Variants in TYW1 observed in about 807,000 individuals in gnomAD.
The protein encoded by TYW1 is S-adenosyl-L-methionine-dependent tRNA 4-demethylwyosine synthase TYW1.
TYW1 carries 46 observed loss-of-function variants against 96.2 expected under a neutral mutation model. The ratio of observed to expected loss-of-function variants is 0.48; its 90% CI spans 0.38 to 0.61. TYW1 has a LOEUF of 0.61. Among genes scored for constraint, TYW1 ranks in the 20% least tolerant of loss-of-function variants. The probability of loss-of-function intolerance (pLI) is 0.00; values close to 1 mark genes in which losing one functional copy is unlikely to be tolerated. For missense variants in TYW1, 684 were observed against 909.6 expected (o/e 0.75, Z 3.19); for synonymous variants, 274 against 323.0 (o/e 0.85, Z 1.63).
At position 67,053,242 on chromosome 7, in the gene TYW1, A is replaced by G. The variant is rs540313355; in HGVS notation, c.1103-2593A>G. Among the ~76,000 whole-genome samples, 40 of 152,170 alleles carry G rather than the reference A, an allele frequency of 2.6e-4. 1 individual carries two copies. Among genetic ancestry groups the G allele is most frequent in the African/African-American group, 9.2e-4 (38 of 41,524 alleles). The stretch of plus-strand genomic sequence containing the variant: ...GGCAAAACACTTCTATTTGTAGTCT[A>G]CCTAATGACTTGTGCATCTTTAGAT... On this transcript the variant is annotated intron_variant, in intron 8 of 15. Transcript: ENST00000359626.
chr7:67,041,990 C>G (rs1479819538), intron 7 of TYW1, among the ~76,000 whole-genome samples: 1 of 146,734 alleles, frequency 6.8e-6, no homozygotes, highest in Non-Finnish European at 1.5e-5. Context: ...TATTCTAATT[C>G]TATTAGAATT....
chr7:67,220,730 TTC>T (rs1801361731), intron 15 of TYW1, among the ~76,000 whole-genome samples: 1 of 135,172 alleles, frequency 7.4e-6, no homozygotes, highest in African/African-American at 3.0e-5. Context: ...TTTATTTTCT[TTC>T]TTTCTTTTTC....
intron 8 of TYW1, among the ~76,000 whole-genome samples, chr7:67,052,826 G>A (rs1200588568): frequency 6.6e-6 from 1 of 152,028 alleles, no homozygotes; most frequent in African/African-American, 2.4e-5. Context: ...CTGCCTCCCG[G>A]GTTCAAGCGA....
intron 12 of TYW1, among the ~76,000 whole-genome samples, chr7:67,100,946 C>T (rs1343824725): frequency 6.6e-6 from 1 of 151,596 alleles, no homozygotes; most frequent in Non-Finnish European, 1.5e-5. Context: ...GGAGGGACTT[C>T]TGACTGAGTT....
chr7:67,149,829 C>G (rs561188577), intron 13 of TYW1, among the ~76,000 whole-genome samples: 1 of 152,052 alleles, frequency 6.6e-6, no homozygotes, highest in South Asian at 2.1e-4. Flanking sequence ...CCTCCTAACA[C>G]GTGAACCACA....
chr7:67,186,267 C>CCCCCA (rs1800016259), intron 14 of TYW1, among the ~76,000 whole-genome samples: 1 of 60,362 alleles, frequency 1.7e-5, no homozygotes, highest in Non-Finnish European at 2.9e-5. Context: ...TCCTTTCTTC[C>CCCCCA]CCCCCGCCCC....
intron 13 of TYW1, among the ~76,000 whole-genome samples, chr7:67,172,430 C>CTTTTTTTTTTTTTTT (rs1554383811): frequency 6.9e-6 from 1 of 143,980 alleles, no homozygotes; most frequent in Non-Finnish European, 1.5e-5. Context: ...CCTTACCATT[C>CTTTTTTTTTTTTTTT]TTTTTTTTGA....
intron 15 of TYW1, among the ~76,000 whole-genome samples, chr7:67,218,120 A>AGGCC (rs1229580785): frequency 7.2e-5 from 11 of 151,900 alleles, no homozygotes; most frequent in African/African-American, 2.7e-4. Context: ...TGGCCTCCCA[A>AGGCC]AATGCTGGGA....
intron 15 of TYW1, among the ~76,000 whole-genome samples, chr7:67,213,020 T>G (rs1396026957): frequency 1.2e-5 from 1 of 82,100 alleles, no homozygotes; most frequent in African/African-American, 5.9e-5. Context: ...GGATTACAGG[T>G]GCCACCACAC....
rs548187746 is a variant in TYW1, at chr7:67,160,871, C to T, written c.1699-22255C>T. On this transcript the variant is annotated intron_variant, in intron 13 of 15. Transcript: ENST00000359626. ...CCTCCCAGAGTGCTGGGATTAGAGG[C>T]GTGATCCACTGTGCCCGGCCTCTCT... Among the ~76,000 whole-genome samples, 67 of 152,040 alleles carry T rather than the reference C, an allele frequency of 4.4e-4. 1 individual carries two copies. Among genetic ancestry groups the T allele is most frequent in the Non-Finnish European group, 8.5e-4 (58 of 68,004 alleles).
chr7:67,061,382 G>T (rs62466635), intron 9 of TYW1, among the ~76,000 whole-genome samples: 6,095 of 152,280 alleles, frequency 0.04, 184 homozygotes, highest in Middle Eastern at 0.1. Context: ...GCTACAAACT[G>T]TAATAAGAAT....
chr7:67,196,421 T>C (rs1800394962), intron 15 of TYW1, among the ~76,000 whole-genome samples: 1 of 151,410 alleles, frequency 6.6e-6, no homozygotes, highest in South Asian at 2.1e-4. Context: ...CTGCAGGTTC[T>C]CATTCATGTT....
At chr7:67,142,220 G>A (rs543293686) in intron 13 of TYW1, among the ~76,000 whole-genome samples, 4 of 139,002 alleles carry the variant, frequency 2.9e-5, no homozygotes, top group South Asian at 2.4e-4. Context: ...CTCAGTTGCC[G>A]GAGCAGCTGA....
intron 13 of TYW1, among the ~76,000 whole-genome samples, chr7:67,150,096 T>G (rs1029740238): frequency 6.6e-6 from 1 of 151,814 alleles, no homozygotes; most frequent in African/African-American, 2.4e-5. Flanking sequence ...GTAGGTCCAT[T>G]TGTCTGTTTA....
intron 13 of TYW1, among the ~76,000 whole-genome samples, chr7:67,172,546 G>A (rs1483234152): frequency 1.3e-5 from 2 of 151,608 alleles, no homozygotes; most frequent in South Asian, 2.1e-4. Flanking sequence ...TGAGCCTCCC[G>A]AGTAGCTGGG....
At chr7:67,020,765 C>A (rs548310820) in intron 6 of TYW1, among the ~76,000 whole-genome samples, 1 of 152,286 alleles carries the variant, frequency 6.6e-6, no homozygotes, top group Non-Finnish European at 1.5e-5. Context: ...CGCGGTGGCT[C>A]ATGCCTATAA....
At chr7:67,015,534 A>G (rs1319645108) in intron 5 of TYW1, among the ~76,000 whole-genome samples, 1 of 151,940 alleles carries the variant, frequency 6.6e-6, no homozygotes, top group African/African-American at 2.4e-5. Context: ...CAATTTTTTT[A>G]GAGATGAGGG....
intron 15 of TYW1, among the ~76,000 whole-genome samples, chr7:67,219,672 A>T (rs1801316286): frequency 6.7e-6 from 1 of 150,162 alleles, no homozygotes; most frequent in South Asian, 2.1e-4. Flanking sequence ...TTGTTGGCGT[A>T]CCATTGTTTA....
intron 13 of TYW1, among the ~76,000 whole-genome samples, chr7:67,124,244 C>T (rs1797849547): frequency 6.6e-6 from 1 of 152,090 alleles, no homozygotes; most frequent in African/African-American, 2.4e-5. Flanking sequence ...CATATTTTTG[C>T]AACTATATAT....
Sources: allele counts gnomAD v4.1 joint callset (sites outside exome capture counted in the v4.1 genomes callset), GRCh38; gene constraint gnomAD v4.1.1; transcripts MANE v1.5; gene names NCBI Gene and HGNC (gene_info 2026-07-23, HGNC 2026-07-21).